The following EPB41L3 variants were observed in gnomAD, a reference collection of about 807,000 sequenced individuals.
EPB41L3 encodes band 4.1-like protein 3.
A neutral mutation model predicts 127.1 loss-of-function variants in EPB41L3; 57 were observed. The ratio of observed to expected loss-of-function variants is 0.45; its 90% CI spans 0.36 to 0.56. The LOEUF is 0.56. Ranked by LOEUF, EPB41L3 falls within the 20% of genes least tolerant of loss-of-function variation. The pLI is 0.00. For missense variants in EPB41L3, 1,273 were observed against 1,372.2 expected (o/e 0.93, Z 1.14); for synonymous variants, 572 against 549.5 (o/e 1.04, Z -0.57).
intron 3 of EPB41L3, among the ~76,000 whole-genome samples, chr18:5,606,930 C>T (rs2094662573): frequency 6.6e-6 from 1 of 151,808 alleles, no homozygotes; most frequent in African/African-American, 2.4e-5. Flanking sequence ...CTCTCTCTCT[C>T]TCCGTCTCTC....
intron 13 of EPB41L3, among the ~76,000 whole-genome samples, chr18:5,415,297 A>G (rs2144690087): frequency 6.6e-6 from 1 of 152,292 alleles, no homozygotes; most frequent in Non-Finnish European, 1.5e-5. Flanking sequence ...CTGTCTGGCA[A>G]TGATGAGCAG....
intron 3 of EPB41L3, among the ~76,000 whole-genome samples, chr18:5,600,346 A>AT (rs1339660492): frequency 6.6e-6 from 1 of 152,194 alleles, no homozygotes. Context: ...AAGAGATGTA[A>AT]TTTTGCCTTT....
intron 3 of EPB41L3, among the ~76,000 whole-genome samples, chr18:5,580,799 A>G (rs534659092): frequency 6.6e-6 from 1 of 152,344 alleles, no homozygotes; most frequent in African/African-American, 2.4e-5. Flanking sequence ...TCCAGCACAT[A>G]TCACATAGAG....
chr18:5,503,759 T>A (rs2091936638), intron 1 of EPB41L3, among the ~76,000 whole-genome samples: 2 of 152,246 alleles, frequency 1.3e-5, no homozygotes, highest in African/African-American at 4.8e-5. Context: ...GCAATTTTAA[T>A]GCTTTCTGTG....
At chr18:5,623,541 A>C (rs1488366077) in intron 1 of EPB41L3, among the ~76,000 whole-genome samples, 2 of 152,156 alleles carry the variant, frequency 1.3e-5, no homozygotes, top group African/African-American at 4.8e-5. Context: ...GTCTGGAAGC[A>C]TTTTCATTCC....
At chr18:5,548,739 T>C (rs1298647132), upstream of EPB41L3, among the ~76,000 whole-genome samples, 1 of 91,674 alleles carries the variant, frequency 1.1e-5, no homozygotes, top group African/African-American at 8.4e-5. Flanking sequence ...AATGATTCTG[T>C]TCTTAAGTAA....
chr18:5,496,301 C>T (rs1387821420), intron 1 of EPB41L3, among the ~76,000 whole-genome samples: 1 of 152,202 alleles, frequency 6.6e-6, no homozygotes, highest in Non-Finnish European at 1.5e-5. Context: ...CCAACAGGTA[C>T]CAAATGCCAG....
chr18:5,576,519 G>A (rs2094337874), intron 3 of EPB41L3, among the ~76,000 whole-genome samples: 1 of 152,144 alleles, frequency 6.6e-6, no homozygotes, highest in African/African-American at 2.4e-5. Flanking sequence ...ACCTCTCTGA[G>A]TTTATTTACT....
At chr18:5,487,312 G>C (rs956020864) in intron 2 of EPB41L3, among the ~76,000 whole-genome samples, 2 of 151,898 alleles carry the variant, frequency 1.3e-5, no homozygotes, top group African/African-American at 4.8e-5. Flanking sequence ...TGGTGATTAC[G>C]TGAGGCTGGG....
At chr18:5,546,406 C>T (rs2093882583), upstream of EPB41L3, among the ~76,000 whole-genome samples, 1 of 152,024 alleles carries the variant, frequency 6.6e-6, no homozygotes, top group African/African-American at 2.4e-5. Context: ...TGGTGGGCGC[C>T]TGTAATCCCA....
At chr18:5,539,969 T>C (rs958544888) in intron 1 of EPB41L3, among the ~76,000 whole-genome samples, 1 of 152,126 alleles carries the variant, frequency 6.6e-6, no homozygotes, top group Non-Finnish European at 1.5e-5. Context: ...ATCACATCAC[T>C]TAAAAATAAA....
chr18:5,533,887 G>A lies in EPB41L3; in HGVS notation c.-12+10026C>T, dbSNP rs76735650. Among the ~76,000 whole-genome samples, 872 of 152,238 alleles carry A rather than the reference G, an allele frequency of 5.7e-3. 2 individuals are homozygous for A. The highest frequency in any genetic ancestry group is 0.024 in the South Asian group (116 of 4,818). On this transcript the variant is annotated intron_variant, in intron 1 of 22. Coordinates refer to ENST00000341928, the MANE Select transcript of EPB41L3 (RefSeq NM_012307.5). ...ACCAGCCATAAAGAAACCCAAGGCC[G>A]GGCGCCGTGGCTGACGCCTGTAATC...
At chr18:5,529,928 A>ATGTGTGTGTG (rs10611279) in intron 1 of EPB41L3, among the ~76,000 whole-genome samples, 2,416 of 146,850 alleles carry the variant, frequency 0.016, 27 homozygotes, top group African/African-American at 0.021. Context: ...CAACTCATAT[A>ATGTGTGTGTG]TGTGTGTGTG....
At chr18:5,406,748 C>T (rs774227361) in intron 16 of EPB41L3, 29 bp downstream of exon 16, 15 of 1,592,816 alleles carry the variant, frequency 9.4e-6, no homozygotes, top group African/African-American at 5.4e-5. Flanking sequence ...AAACAGAATA[C>T]GAGTCTGACC....
rs772057472 is a variant in EPB41L3, at chr18:5,416,329, T to C, written c.1556A>G (p.His519Arg). 13 of 1,613,618 alleles carry C rather than the reference T, an allele frequency of 8.1e-6. No homozygotes were observed. The highest frequency in any genetic ancestry group is 1.7e-5 in the Admixed American group (1 of 59,994). Residue 519 changes from histidine (H) to arginine (R), a missense_variant, in exon 13 of 23, where the codon CAT becomes CGT. His to Arg is a conservative substitution (Grantham distance 29). This residue lies in a region of EPB41L3 where 765 missense variants were observed against 782.9 expected (regional missense o/e 0.98). Transcript: ENST00000341928. ...CTCTGTGGGAGATGTGGGGGCACAA[T>C]GGGTGGATGGGGGTGACAAGGGACA... is the stretch of plus-strand genomic sequence containing the variant. ...DSCPLSPPST[H>R]CAPTSPTELR...
At chr18:5,432,559 A>G (rs2079140465) in intron 8 of EPB41L3, among the ~76,000 whole-genome samples, 1 of 152,212 alleles carries the variant, frequency 6.6e-6, no homozygotes, top group South Asian at 2.1e-4. Context: ...TTTGCTAATA[A>G]AAGTTTTCAT....
At chr18:5,529,329 T>C (rs28499280) in intron 1 of EPB41L3, among the ~76,000 whole-genome samples, 1 of 98,322 alleles carries the variant, frequency 1.0e-5, no homozygotes, top group African/African-American at 4.1e-5. Flanking sequence ...TACATACATA[T>C]ATATATATAT....
chr18:5,628,726 C>G (rs1004385226), intron 1 of EPB41L3, among the ~76,000 whole-genome samples: 4 of 152,100 alleles, frequency 2.6e-5, no homozygotes, highest in Admixed American at 2.0e-4. Flanking sequence ...CGGCCGAACG[C>G]GCCGCGTGGT....
At chr18:5,484,928 T>C (rs1401231987) in intron 2 of EPB41L3, among the ~76,000 whole-genome samples, 2 of 151,440 alleles carry the variant, frequency 1.3e-5, no homozygotes, top group Non-Finnish European at 3.0e-5. Flanking sequence ...ATACTGATCC[T>C]ACTTAAACTC....
Sources: gnomAD v4.1 joint callset for allele counts (sites outside exome capture counted in the v4.1 genomes callset) on GRCh38, gnomAD v4.1.1 for gene constraint, gnomAD v4.1.1 regional missense constraint, MANE v1.5 for transcripts, NCBI Gene and HGNC (gene_info 2026-07-23, HGNC 2026-07-21) for gene names.